Variants in ASB3 observed in about 807,000 individuals in gnomAD.
ASB3 encodes ankyrin repeat and SOCS box containing 3.
In ASB3, 41 loss-of-function variants were observed where a neutral mutation model predicts 54.5. The observed-to-expected ratio is 0.75, with a 90% confidence interval of 0.59 to 0.98. ASB3 has a LOEUF of 0.98. Ranked by LOEUF, ASB3 falls within the 50% of genes least tolerant of loss-of-function variation. The pLI, the probability that ASB3 is intolerant of heterozygous loss-of-function variation, is 0.00. For missense variants in ASB3, 733 were observed against 620.0 expected (o/e 1.18, Z -1.94); for synonymous variants, 266 against 221.2 (o/e 1.20, Z -1.80).
chr2:53,719,699 T>G (rs980532265), intron 5 of ASB3, among the ~76,000 whole-genome samples: 3 of 152,098 alleles, frequency 2.0e-5, no homozygotes, highest in African/African-American at 7.2e-5. Flanking sequence ...ACTCATGTAC[T>G]TAGCCTGTAA....
intron 3 of ASB3, among the ~76,000 whole-genome samples, chr2:53,746,461 A>C (rs1458204526): frequency 3.3e-5 from 5 of 150,088 alleles, no homozygotes; most frequent in Non-Finnish European, 7.4e-5. Flanking sequence ...ATTCTTCCAC[A>C]CACTGTTTTT....
chr2:53,752,741 T>C (rs1284280022), intron 2 of ASB3, among the ~76,000 whole-genome samples: 2 of 152,216 alleles, frequency 1.3e-5, no homozygotes, highest in African/African-American at 4.8e-5. Context: ...CTAGACTTAC[T>C]ATATATTAAA....
At chr2:53,758,538 C>A (rs1472027038) in intron 2 of ASB3, among the ~76,000 whole-genome samples, 1 of 152,132 alleles carries the variant, frequency 6.6e-6, no homozygotes, top group African/African-American at 2.4e-5. Flanking sequence ...GGAACCCAGC[C>A]CAGCTCTAGA....
chr2:53,671,353 CGTGTGTGTGTGTGT>C lies in ASB3; in HGVS notation c.1370-677_1370-664del, dbSNP rs142473697. On this transcript the variant is annotated intron_variant, in intron 9 of 9. Transcript: ENST00000263634. ...AACTCAGATCTATCTGAACCCAAAG[CGTGTGTGTGTGTGT>C]GTGTGTGTGTGTGTGTGTGTGTGTG... Among the ~76,000 whole-genome samples, 1,303 of 142,600 alleles carry C rather than the reference CGTGTGTGTGTGTGT, an allele frequency of 9.1e-3. 16 individuals carry two copies. Among genetic ancestry groups the C allele is most frequent in the African/African-American group, 0.032 (1,223 of 38,548 alleles). The allele number at this position is 142,600 out of a possible 152,430, so 93.6% of individuals were successfully genotyped here.
At chr2:53,771,925 CTT>C in intron 1 of ASB3, 2 of 1,565,026 alleles carry the variant, frequency 1.3e-6, no homozygotes, top group Non-Finnish European at 1.7e-6. Flanking sequence ...AGTTGTGACT[CTT>C]GTTGAAGATC....
intron 9 of ASB3, among the ~76,000 whole-genome samples, chr2:53,680,921 G>T (rs571982106): frequency 2.7e-5 from 4 of 148,264 alleles, no homozygotes; most frequent in Non-Finnish European, 3.0e-5. Flanking sequence ...CTTCTACTTT[G>T]TATCTCCATG....
chr2:53,734,927 T>TG (rs1423590238), intron 3 of ASB3, among the ~76,000 whole-genome samples: 1 of 150,124 alleles, frequency 6.7e-6, no homozygotes, highest in Non-Finnish European at 1.5e-5. Context: ...AGTTTTTTTT[T>TG]TTTTTTTTTT....
At chr2:53,678,196 A>G (rs1668186015) in intron 9 of ASB3, among the ~76,000 whole-genome samples, 1 of 152,048 alleles carries the variant, frequency 6.6e-6, no homozygotes, top group African/African-American at 2.4e-5. Flanking sequence ...TTGGTAAATT[A>G]CCAGTACACA....
chr2:53,770,592 C>CT (rs1673835084), intron 1 of ASB3, among the ~76,000 whole-genome samples: 1 of 149,202 alleles, frequency 6.7e-6, no homozygotes, highest in South Asian at 2.2e-4. Flanking sequence ...TGGACTTTCT[C>CT]TAAGGCTTTC....
intron 8 of ASB3, 146 bp from the exon 9 acceptor site, chr2:53,694,160 A>G: frequency 1.2e-6 from 1 of 848,782 alleles, no homozygotes. Context: ...TTATGTAACT[A>G]GAGGCAAGAT....
intron 6 of ASB3, 108 bp downstream of exon 6, chr2:53,716,458 G>A (rs1021955805): frequency 1.0e-4 from 138 of 1,365,908 alleles, no homozygotes; most frequent in Middle Eastern, 8.0e-4. Flanking sequence ...GATTGGTAGG[G>A]AAGAGAATAT....
chr2:53,698,816 T>C (rs1274069701), intron 8 of ASB3, among the ~76,000 whole-genome samples: 1 of 152,238 alleles, frequency 6.6e-6, no homozygotes, highest in Admixed American at 6.5e-5. Context: ...TTATGAGCAC[T>C]CACCAGAATC....
chr2:53,687,359 T>C (rs911982977), intron 9 of ASB3, among the ~76,000 whole-genome samples: 4 of 152,194 alleles, frequency 2.6e-5, no homozygotes, highest in African/African-American at 9.7e-5. Context: ...GCTAAACTTG[T>C]GAAGGTCCAC....
chr2:53,763,128 T>C lies in ASB3; in HGVS notation c.196+2249A>G, dbSNP rs181800684. 2.5e-3 allele frequency among the ~76,000 whole-genome samples: 376 copies of C among 152,258 alleles called. 3 individuals carry two copies. The highest frequency in any genetic ancestry group is 8.6e-3 in the African/African-American group (359 of 41,528). ...CAGGTGTGATGCATCACACCTGTAA[T>C]CCCAGCACTTTGGGAAGCCAAGGCA... On this transcript the variant is annotated intron_variant, in intron 2 of 9. Coordinates refer to ENST00000263634, the MANE Select transcript of ASB3 (RefSeq NM_016115.5).
intron 1 of ASB3, chr2:53,786,182 G>GA (rs1674983518): frequency 6.6e-6 from 1 of 152,112 alleles, no homozygotes; most frequent in East Asian, 1.9e-4. Context: ...GAGGGGGAGG[G>GA]AAAAACAAAA....
At chr2:53,731,229 G>C (rs564109706) in intron 3 of ASB3, among the ~76,000 whole-genome samples, 1 of 151,990 alleles carries the variant, frequency 6.6e-6, no homozygotes, top group East Asian at 1.9e-4. Context: ...GTGAAACCCC[G>C]TCTCTACTAA....
At chr2:53,777,730 C>G (rs1674420894) in intron 1 of ASB3, among the ~76,000 whole-genome samples, 1 of 152,188 alleles carries the variant, frequency 6.6e-6, no homozygotes, top group Non-Finnish European at 1.5e-5. Flanking sequence ...ATACTCATAT[C>G]AATTTATAAG....
intron 9 of ASB3, among the ~76,000 whole-genome samples, chr2:53,683,691 T>C (rs1264454738): frequency 6.6e-6 from 1 of 152,178 alleles, no homozygotes; most frequent in African/African-American, 2.4e-5. Context: ...GACTTCTTCA[T>C]TGTTCAATCT....
At position 53,750,790 on chromosome 2, in the gene ASB3, C is replaced by A; in HGVS notation, c.348G>T (p.Leu116Phe). ...NATTLEETTP[L>F]FLAVENGQID... ...CACAAATAGCATACTTACCTAAAAA[C>A]AATGGTGTCGTTTCTTCTAAAGTAG... Residue 116 changes from leucine (L) to phenylalanine (F), a missense_variant, in exon 3 of 10, where the codon TTG (leucine) becomes TTT (phenylalanine). By Grantham distance (22) the Leu-to-Phe change is conservative (BLOSUM62 0). Coordinates refer to ENST00000263634, the MANE Select transcript of ASB3 (RefSeq NM_016115.5). 1 of 1,556,124 alleles carries A rather than the reference C, an allele frequency of 6.4e-7. No individual in the cohort carries two copies. The highest frequency in any genetic ancestry group is 8.7e-7 in the Non-Finnish European group (1 of 1,154,066).
Sources: allele counts gnomAD v4.1 joint callset (sites outside exome capture counted in the v4.1 genomes callset), GRCh38; gene constraint gnomAD v4.1.1; transcripts MANE v1.5; gene names NCBI Gene and HGNC (gene_info 2026-07-23, HGNC 2026-07-21).